CELF2: variants seen among roughly 807,000 people sequenced by gnomAD.
The protein encoded by CELF2 is CUGBP Elav-like family member 2.
In CELF2, 8 loss-of-function variants were observed where a neutral mutation model predicts 62.6. That is an observed-to-expected ratio of 0.13 (90% confidence interval 0.07 to 0.23). CELF2 has a LOEUF of 0.23. Among genes scored for constraint, CELF2 ranks in the 10% least tolerant of loss-of-function variants. CELF2 has a pLI of 1.00. For missense variants in CELF2, 333 were observed against 671.0 expected (o/e 0.50, Z 5.56); for synonymous variants, 258 against 250.0 (o/e 1.03, Z -0.30).
At chr10:10,819,340 C>G (rs2056764488) in intron 1 of CELF2, among the ~76,000 whole-genome samples, 1 of 152,184 alleles carries the variant, frequency 6.6e-6, no homozygotes, top group African/African-American at 2.4e-5. Context: ...ACGCAGCGCT[C>G]TGGGATAACC....
rs2065983745 is a variant in CELF2 at position 11,224,923 on chromosome 10, GAGGGAGTCAGGGCTCT to G, written c.354+7417_354+7432del. 6.6e-6 allele frequency among the ~76,000 whole-genome samples: 1 copy of G among 152,194 alleles called. No homozygotes were observed. Among genetic ancestry groups the G allele is most frequent in the African/African-American group, 2.4e-5 (1 of 41,432 alleles). On this transcript the variant is annotated intron_variant, in intron 3 of 12. Coordinates refer to ENST00000633077, the MANE Select transcript of CELF2 (RefSeq NM_001326342.2). The surrounding 1 kb of genome is among the most constrained non-coding windows in gnomAD (Gnocchi z 4.5). ...CTGGGGAGAGCCAAGGCCAGGATCA[GAGGGAGTCAGGGCTCT>G]GCCGGATATGGTCTGGTTTGTGCAG...
At chr10:10,943,762 CT>C (rs200013481) in intron 2 of CELF2, among the ~76,000 whole-genome samples, 1 of 126,446 alleles carries the variant, frequency 7.9e-6, no homozygotes. Context: ...CTACTCCCAG[CT>C]TTTTTTTTGT....
intron 1 of CELF2, among the ~76,000 whole-genome samples, chr10:11,081,589 AAAAAT>A (rs1371843701): frequency 5.3e-5 from 8 of 152,222 alleles, no homozygotes; most frequent in South Asian, 2.1e-4. Flanking sequence ...GAGATAGAAA[AAAAAT>A]AAAAAATAGG....
chr10:11,198,545 A>C (rs2058509790), intron 2 of CELF2, among the ~76,000 whole-genome samples: 1 of 152,232 alleles, frequency 6.6e-6, no homozygotes, highest in African/African-American at 2.4e-5. Context: ...AGACCTCTTG[A>C]AAATAAGGAT....
the CELF2 span, among the ~76,000 whole-genome samples, chr10:10,696,315 A>G: frequency 0.021 from 3,155 of 149,910 alleles, 51 homozygotes; most frequent in South Asian, 0.047. Context: ...TAGGCTGCTC[A>G]GGGGTCAGGG....
intron 1 of CELF2, among the ~76,000 whole-genome samples, chr10:10,828,024 A>AAAG (rs1554846124): frequency 1.4e-5 from 2 of 147,434 alleles, no homozygotes; most frequent in African/African-American, 2.5e-5. Context: ...AAAAAAAAAA[A>AAAG]GCAGAAAATA....
the CELF2 span, among the ~76,000 whole-genome samples, chr10:10,507,331 C>T: frequency 9.7e-3 from 1,477 of 152,170 alleles, 47 homozygotes; most frequent in Admixed American, 0.06. Flanking sequence ...AACAAAATGT[C>T]CCCCAGCTTT....
intron 2 of CELF2, among the ~76,000 whole-genome samples, chr10:10,945,233 T>C (rs946229894): frequency 6.6e-6 from 1 of 152,098 alleles, no homozygotes; most frequent in African/African-American, 2.4e-5. Flanking sequence ...GGTTGTTTGG[T>C]GGAGGGGGCA....
In CELF2 at chr10:11,223,229, C is replaced by G. The variant is rs1425767581; in HGVS notation, c.354+5722C>G. On this transcript the variant is annotated intron_variant, in intron 3 of 12. Coordinates refer to ENST00000633077, the MANE Select transcript of CELF2 (RefSeq NM_001326342.2). The surrounding 1 kb of genome is among the most constrained non-coding windows in gnomAD (Gnocchi z 5.1). ...GCTTCCCAGCATCCTCACAGTCAGG[C>G]CTGAGCGGGGCACTGCCTGAGGAGC... Among the ~76,000 whole-genome samples the G allele has an allele frequency of 1.3e-5, 2 of 152,196 alleles. No individual in the cohort carries two copies. Among genetic ancestry groups the G allele is most frequent in the Non-Finnish European group, 2.9e-5 (2 of 68,036 alleles).
rs557374324 is a variant in CELF2, at chr10:11,331,562, C to T, written c.*2509C>T. 1 of 150,990 alleles carries T rather than the reference C, an allele frequency of 6.6e-6. No homozygotes were observed. The highest frequency in any genetic ancestry group is 2.4e-5 in the African/African-American group (1 of 41,012). 9.4% of individuals were successfully genotyped at this position (150,990 alleles called of 1,614,324 possible). On this transcript the variant is annotated 3_prime_UTR_variant, in exon 13 of 13. Coordinates refer to ENST00000633077, the MANE Select transcript of CELF2 (RefSeq NM_001326342.2). ...TTTCTTGTGAGAAGTAATTTGATAA[C>T]ATGGGTATTTTATTATGTGTTTTGT...
At chr10:10,469,693 T>C in the CELF2 span, among the ~76,000 whole-genome samples, 1 of 151,938 alleles carries the variant, frequency 6.6e-6, no homozygotes, top group African/African-American at 2.4e-5. Flanking sequence ...TTCTCTGTTT[T>C]ATGCAATATT....
the CELF2 span, among the ~76,000 whole-genome samples, chr10:10,533,098 C>T: frequency 6.6e-6 from 1 of 152,170 alleles, no homozygotes; most frequent in East Asian, 1.9e-4. Flanking sequence ...ATTATGCTCA[C>T]TTGTTCAAAA....
chr10:11,314,406 C>T lies in CELF2; in HGVS notation c.1096+148C>T. On this transcript the variant is annotated intron_variant, in intron 10 of 12. Coordinates refer to ENST00000633077, the MANE Select transcript of CELF2 (RefSeq NM_001326342.2). This position sits in a 1 kb window ranked among gnomAD's most constrained non-coding sequence, Gnocchi z 5.3. The stretch of plus-strand genomic sequence containing the variant: ...ATGGAGGAGCACATGCTTTGATAGG[C>T]AAAAGCTGTCTACACTCGTTTTGCC... The T allele has an allele frequency of 1.0e-6, 1 of 987,634 alleles. No homozygotes were observed. Among genetic ancestry groups the T allele is most frequent in the Non-Finnish European group, 1.6e-6 (1 of 636,034 alleles). 61.2% of individuals were successfully genotyped at this position (987,634 alleles called of 1,614,324 possible).
intron 2 of CELF2, among the ~76,000 whole-genome samples, chr10:11,186,296 C>CTTTTTTTTTTTT (rs57327671): frequency 2.3e-4 from 26 of 115,474 alleles, no homozygotes; most frequent in Non-Finnish European, 3.1e-4. Flanking sequence ...GGTTTTGTTG[C>CTTTTTTTTTTTT]TTTTTTTTTT....
rs1248497966 is a variant in CELF2 at position 10,936,493 on chromosome 10, A to G, written c.89+16494A>G. On this transcript the variant is annotated intron_variant, in intron 2 of 13. Transcript: ENST00000636488. This position sits in a 1 kb window ranked among gnomAD's most constrained non-coding sequence, Gnocchi z 4.0. ...AGACAGTGGAAACTAAGTCCTCATG[A>G]CCACACTGTGTGGGATCACTGGACA... is the stretch of plus-strand genomic sequence containing the variant. The G allele has an allele frequency of 6.6e-6, 1 of 152,176 alleles. No individual in the cohort carries two copies. The highest frequency in any genetic ancestry group is 2.4e-5 in the African/African-American group (1 of 41,440). 9.4% of individuals were successfully genotyped at this position (152,176 alleles called of 1,614,324 possible).
chr10:10,570,209 AACCC>A, the CELF2 span, among the ~76,000 whole-genome samples: 1 of 152,154 alleles, frequency 6.6e-6, no homozygotes, highest in African/African-American at 2.4e-5. Context: ...AGCCAAGTCA[AACCC>A]ACCTCCTGGA....
At chr10:10,677,131 C>A in the CELF2 span, among the ~76,000 whole-genome samples, 2 of 152,110 alleles carry the variant, frequency 1.3e-5, no homozygotes, top group Non-Finnish European at 2.9e-5. Flanking sequence ...GAGAAATCAG[C>A]CAAGATTATT....
chr10:11,069,447 AT>A (rs1370071558), intron 1 of CELF2, among the ~76,000 whole-genome samples: 1 of 150,620 alleles, frequency 6.6e-6, no homozygotes, highest in African/African-American at 2.4e-5. Flanking sequence ...TCAGTAATGC[AT>A]TTCAATGGAT....
At chr10:10,961,120 T>C (rs2049454130) in intron 2 of CELF2, among the ~76,000 whole-genome samples, 2 of 152,196 alleles carry the variant, frequency 1.3e-5, no homozygotes, top group African/African-American at 4.8e-5. Context: ...AAGAATTAAT[T>C]TGAAATTGGA....
Sources: gnomAD v4.1 joint callset for allele counts (sites outside exome capture counted in the v4.1 genomes callset) on GRCh38, gnomAD v4.1.1 for gene constraint, Gnocchi (gnomAD v3.1) non-coding constraint, MANE v1.5 for transcripts, NCBI Gene and HGNC (gene_info 2026-07-23, HGNC 2026-07-21) for gene names.